TAS2R46: variants seen among roughly 807,000 people sequenced by gnomAD.
TAS2R46 encodes taste receptor type 2 member 46.
For synonymous variants in TAS2R46, 123 were observed against 121.8 expected (o/e 1.01, Z -0.07); for missense variants, 361 against 347.4 (o/e 1.04, Z -0.31).
In TAS2R46 at chr12:11,061,945, A is replaced by G; in HGVS notation, c.350T>C (p.Ile117Thr). The G allele has an allele frequency of 1.2e-6, 2 of 1,614,010 alleles. No individual in the cohort carries two copies. The highest frequency in any genetic ancestry group is 1.7e-6 in the Non-Finnish European group (2 of 1,179,924). ...LLKIANFSNL[I>T]FLHLKRRVKS... is the part of the protein sequence containing the mutation. ...AACTCTCCTCTTTAAGTGAAGAAAA[A>G]TAAGGTTGGAGAAATTGGCAATCTT... is the stretch of plus-strand genomic sequence containing the variant. Residue 117 changes from isoleucine to threonine, a missense_variant, in exon 1 of 1, where the codon ATT becomes ACT. Transcript: ENST00000533467.
rs1591923939 is a variant in TAS2R46, at chr12:11,061,577, T to C, written c.718A>G (p.Ile240Val). Residue 240 changes from isoleucine to valine, a missense_variant, in exon 1 of 1, where the codon ATT (isoleucine) becomes GTT (valine). Ile to Val is a conservative substitution (Grantham distance 29). Transcript: ENST00000533467. ...TVTSFLLLCAIYFLSIIMSVW... is the reference protein window; with the variant it reads ...TVTSFLLLCAVYFLSIIMSVW... ...GACATGATTATGGACAGAAAGTAAATGGCACATAACAAGAGGAAGGAGGTC... is the reference window on the plus strand; with the variant it reads ...GACATGATTATGGACAGAAAGTAAACGGCACATAACAAGAGGAAGGAGGTC... The C allele has an allele frequency of 5.0e-6, 8 of 1,614,078 alleles. No individual in the cohort carries two copies. Among genetic ancestry groups the C allele is most frequent in the African/African-American group, 1.3e-5 (1 of 75,022 alleles).
rs368655677 is a variant in TAS2R46 at position 11,062,114 on chromosome 12, C to G, written c.181G>C (p.Val61Leu). The G allele has an allele frequency of 1.1e-5, 18 of 1,613,498 alleles. No individual in the cohort carries two copies. Among genetic ancestry groups the G allele is most frequent in the Non-Finnish European group, 1.4e-5 (16 of 1,179,802 alleles). Residue 61 changes from valine (V) to leucine (L), a missense_variant, in exon 1 of 1, where the codon GTA becomes CTA. Val to Leu is a conservative substitution (Grantham distance 32, BLOSUM62 1). Coordinates refer to ENST00000533467, the MANE Select transcript of TAS2R46 (RefSeq NM_176887.2). Reference protein sequence around the residue: ...LAVSRVGLLWVLVLNWYATEL... With the variant: ...LAVSRVGLLWLLVLNWYATEL... ...GTTGCATACCAATTTAATACTAATA[C>G]CCAGAGTAAACCAACTCTGGAGACT... is the stretch of plus-strand genomic sequence containing the variant.
rs1341764707 is a variant in TAS2R46 at position 11,062,207 on chromosome 12, C to T, written c.88G>A (p.Val30Ile). ...GNFANGFIAL[V>I]NSIEWFKRQK... Reference sequence around the variant, plus strand: ...CTCTTGAACCACTCAATGGAATTTACCAATGCTATGAAGCCATTAGCAAAA... The same window carrying T: ...CTCTTGAACCACTCAATGGAATTTATCAATGCTATGAAGCCATTAGCAAAA... Residue 30 changes from valine (V) to isoleucine (I), a missense_variant, in exon 1 of 1, where the codon GTA becomes ATA. Physicochemically the swap from Val to Ile is conservative, Grantham distance 29. Coordinates refer to ENST00000533467, the MANE Select transcript of TAS2R46 (RefSeq NM_176887.2). The T allele has an allele frequency of 9.9e-6, 16 of 1,613,276 alleles. No individual in the cohort carries two copies. The highest frequency in any genetic ancestry group is 2.7e-5 in the African/African-American group (2 of 74,882).
the TAS2R46 span, chr12:11,061,411 C>T: frequency 6.2e-7 from 1 of 1,613,982 alleles, no homozygotes; most frequent in Non-Finnish European, 8.5e-7. Context: ...CCTCACATGC[C>T]ACAAAACTGA....
In TAS2R46 at chr12:11,061,740, T is replaced by C. The variant is rs1565609200; in HGVS notation, c.555A>G (p.Leu185=). The change falls in exon 1 of 1, where the codon TTA becomes TTG. Residue 185 remains leucine, a synonymous_variant. Coordinates refer to ENST00000533467, the MANE Select transcript of TAS2R46 (RefSeq NM_176887.2). ...ATATCAGGGTCAGAGTGAAGGGAAC[T>C]AAGTTTGCTAGGATGGTTACCGTTG... ...SNTTVTILAN[L]VPFTLTLISF... 1 of 1,614,098 alleles carries C rather than the reference T, an allele frequency of 6.2e-7. No individual in the cohort carries two copies. Among genetic ancestry groups the C allele is most frequent in the Non-Finnish European group, 8.5e-7 (1 of 1,179,972 alleles).
the TAS2R46 span, chr12:11,061,388 C>A: frequency 6.2e-7 from 1 of 1,613,688 alleles, no homozygotes; most frequent in Non-Finnish European, 8.5e-7. Flanking sequence ...GGCTTCTCTC[C>A]TTTCACCCAG....
rs373080563 is a variant in TAS2R46 at position 11,062,255 on chromosome 12, C to T, written c.40G>A (p.Val14Met). The T allele has an allele frequency of 3.7e-6, 6 of 1,612,696 alleles. No individual in the cohort carries two copies. The highest frequency in any genetic ancestry group is 3.3e-5 in the South Asian group (3 of 90,934). The change falls in exon 1 of 1, where the codon GTG (valine) becomes ATG (methionine). Residue 14 changes from valine to methionine, a missense_variant. Val to Met is a conservative substitution (Grantham distance 21). Transcript: ENST00000533467. ...FLPIIFSILI[V>M]VTFVIGNFAN... ...AAATTTCCAATCACAAATGTAACCACTATTAGAATGGAAAAAATGATGGGC... is the reference window on the plus strand; with the variant it reads ...AAATTTCCAATCACAAATGTAACCATTATTAGAATGGAAAAAATGATGGGC...
Position 11,061,518 on chromosome 12 carries a change from A to G in TAS2R46, c.777T>C (p.Pro259=), listed in dbSNP as rs1565608709. 4 of 1,614,038 alleles carry G rather than the reference A, an allele frequency of 2.5e-6. No individual in the cohort carries two copies. Among genetic ancestry groups the G allele is most frequent in the Non-Finnish European group, 3.4e-6 (4 of 1,179,978 alleles). ...VWSFESLENK[P]VFMFCEAIAF... ...CAATAGCTTCGCAGAACATGAAGAC[A>G]GGTTTGTTTTCCAGACTCTCAAAAC... The change falls in exon 1 of 1, where the codon CCT becomes CCC. Residue 259 remains proline, a synonymous_variant. Transcript: ENST00000533467.
rs774163843 is a variant in TAS2R46 at position 11,061,759 on chromosome 12, A to G, written c.536T>C (p.Val179Ala). Residue 179 changes from valine (V) to alanine (A), a missense_variant, in exon 1 of 1, where the codon GTA (valine) becomes GCA (alanine). By Grantham distance (64) the Val-to-Ala change is moderately conservative. Coordinates refer to ENST00000533467, the MANE Select transcript of TAS2R46 (RefSeq NM_176887.2). Reference sequence around the variant, plus strand: ...GGGAACTAAGTTTGCTAGGATGGTTACCGTTGTATTTGAAAGGTACATTGC... The same window carrying G: ...GGGAACTAAGTTTGCTAGGATGGTTGCCGTTGTATTTGAAAGGTACATTGC... ...RSAMYLSNTT[V>A]TILANLVPFT... is the part of the protein sequence containing the mutation. 6 of 1,613,964 alleles carry G rather than the reference A, an allele frequency of 3.7e-6. No individual in the cohort carries two copies. In the East Asian group the frequency reaches 8.9e-5, roughly 24 times the overall value.
rs762950316 is a variant in TAS2R46 at position 11,061,908 on chromosome 12, A to G, written c.387T>C (p.Val129=). The stretch of plus-strand genomic sequence containing the variant: ...GCAAAGGCCCCAATAGTATCACCAG[A>G]ACAACACTCTTAACTCTCCTCTTTA... ...LHLKRRVKSV[V]LVILLGPLLF... is the part of the protein sequence containing the mutation. The change falls in exon 1 of 1, where the codon GTT becomes GTC. Residue 129 remains valine (V), a synonymous_variant. Transcript: ENST00000533467. 1 of 1,614,004 alleles carries G rather than the reference A, an allele frequency of 6.2e-7. No individual in the cohort carries two copies. The highest frequency in any genetic ancestry group is 1.3e-5 in the African/African-American group (1 of 75,054).
rs553708509 is a variant in TAS2R46, at chr12:11,061,464, G to A, written c.831C>T (p.Phe277=). The A allele has an allele frequency of 3.1e-6, 5 of 1,614,170 alleles. No homozygotes were observed. The highest frequency in any genetic ancestry group is 2.2e-5 in the East Asian group (1 of 44,890). The change falls in exon 1 of 1, where the codon TTC becomes TTT. Residue 277 remains phenylalanine (F), a synonymous_variant. Coordinates refer to ENST00000533467, the MANE Select transcript of TAS2R46 (RefSeq NM_176887.2). ...IAFSYPSTHP[F]ILIWGNKKLK... is the part of the protein sequence containing the mutation. ...GCTTCTTGTTTCCCCAAATCAGGAT[G>A]AATGGGTGGGTTGAAGGATAGCTGA...
In TAS2R46 at chr12:11,061,950, G is replaced by T; in HGVS notation, c.345C>A (p.Asn115Lys). ...TCCTCTTTAAGTGAAGAAAAATAAG[G>T]TTGGAGAAATTGGCAATCTTGAGCA... ...FYLLKIANFSNLIFLHLKRRV... is the reference protein window; with the variant it reads ...FYLLKIANFSKLIFLHLKRRV... Residue 115 changes from asparagine (N) to lysine (K), a missense_variant, in exon 1 of 1, where the codon AAC (asparagine) becomes AAA (lysine). Asn to Lys is a moderately conservative substitution (Grantham distance 94). Coordinates refer to ENST00000533467, the MANE Select transcript of TAS2R46 (RefSeq NM_176887.2). The T allele has an allele frequency of 1.2e-6, 2 of 1,613,970 alleles. No homozygotes were observed. Among genetic ancestry groups the T allele is most frequent in the South Asian group, 1.1e-5 (1 of 91,080 alleles).
In TAS2R46 at chr12:11,062,145, A is replaced by G. The variant is rs371888146; in HGVS notation, c.150T>C (p.Ala50=). The G allele has an allele frequency of 6.2e-7, 1 of 1,613,678 alleles. No homozygotes were observed. Among genetic ancestry groups the G allele is most frequent in the African/African-American group, 1.3e-5 (1 of 75,018 alleles). ...GTAAACCAACTCTGGAGACTGCCAG[A>G]GCAGTGAGAATTTGGTCAGCAAAAG... ...KISFADQILT[A]LAVSRVGLLW... Residue 50 remains alanine (A), a synonymous_variant, in exon 1 of 1, where the codon GCT becomes GCC. Coordinates refer to ENST00000533467, the MANE Select transcript of TAS2R46 (RefSeq NM_176887.2).
rs774770069 is a variant in TAS2R46, at chr12:11,062,252, C to G, written c.43G>C (p.Val15Leu). Residue 15 changes from valine to leucine, a missense_variant, in exon 1 of 1, where the codon GTT (valine) becomes CTT (leucine). By Grantham distance (32) the Val-to-Leu change is conservative (BLOSUM62 1). Coordinates refer to ENST00000533467, the MANE Select transcript of TAS2R46 (RefSeq NM_176887.2). The part of the protein sequence containing the change: ...LPIIFSILIV[V>L]TFVIGNFANG... ...GCAAAATTTCCAATCACAAATGTAACCACTATTAGAATGGAAAAAATGATG... is the reference window on the plus strand; with the variant it reads ...GCAAAATTTCCAATCACAAATGTAAGCACTATTAGAATGGAAAAAATGATG... 1 of 1,612,984 alleles carries G rather than the reference C, an allele frequency of 6.2e-7. No homozygotes were observed. The highest frequency in any genetic ancestry group is 8.5e-7 in the Non-Finnish European group (1 of 1,179,400).
chr12:11,062,095 T>C lies in TAS2R46; in HGVS notation c.200A>G (p.Tyr67Cys). 6.2e-7 allele frequency: 1 copy of C among 1,613,672 alleles called. No homozygotes were observed. Residue 67 changes from tyrosine to cysteine, a missense_variant, in exon 1 of 1, where the codon TAT becomes TGT. Tyr to Cys is a radical substitution (Grantham distance 194). Transcript: ENST00000533467. ...GLLWVLVLNWYATELNPAFNS... is the reference protein window; with the variant it reads ...GLLWVLVLNWCATELNPAFNS... The stretch of plus-strand genomic sequence containing the variant: ...AAAAGCTGGATTCAACTCAGTTGCA[T>C]ACCAATTTAATACTAATACCCAGAG...
Position 11,061,665 on chromosome 12 carries a change from C to A in TAS2R46, c.630G>T (p.Gln210His). 6.3e-7 allele frequency: 1 copy of A among 1,576,812 alleles called. No homozygotes were observed. Among genetic ancestry groups the A allele is most frequent in the Non-Finnish European group, 8.6e-7 (1 of 1,161,766 alleles). The change falls in exon 1 of 1, where the codon CAG becomes CAT. Residue 210 changes from glutamine to histidine, a missense_variant. Transcript: ENST00000533467. ...CSLCKHLKKM[Q>H]LHGKGSQDPS... ...GATCTTGAGATCCTTTGCCATGGAG[C>A]TGCATCTTTTTGAGATGTTTACACA...
At position 11,062,271 on chromosome 12, in the gene TAS2R46, A is replaced by G; in HGVS notation, c.24T>C (p.Ile8=). The part of the protein sequence containing the change: MITFLPI[I]FSILIVVTFV... ...ATGTAACCACTATTAGAATGGAAAA[A>G]ATGATGGGCAGAAAAGTTATCATGT... Residue 8 remains isoleucine (I), a synonymous_variant, in exon 1 of 1, where the codon ATT becomes ATC. Transcript: ENST00000533467. 1 of 1,537,352 alleles carries G rather than the reference A, an allele frequency of 6.5e-7. No homozygotes were observed. The highest frequency in any genetic ancestry group is 8.9e-7 in the Non-Finnish European group (1 of 1,125,828).
rs555711701 is a variant in TAS2R46 at position 11,062,068 on chromosome 12, T to C, written c.227A>G (p.Asn76Ser). The C allele has an allele frequency of 6.2e-7, 1 of 1,613,730 alleles. No homozygotes were observed. Among genetic ancestry groups the C allele is most frequent in the Non-Finnish European group, 8.5e-7 (1 of 1,179,820 alleles). The change falls in exon 1 of 1, where the codon AAC (asparagine) becomes AGC (serine). Residue 76 changes from asparagine (N) to serine (S), a missense_variant. Physicochemically the swap from Asn to Ser is conservative, Grantham distance 46. Transcript: ENST00000533467. Reference protein sequence around the residue: ...WYATELNPAFNSIEVRITAYN... With the variant: ...WYATELNPAFSSIEVRITAYN... ...AGCAGTAATTCTTACTTCTATACTG[T>C]TAAAAGCTGGATTCAACTCAGTTGC...
Position 11,061,970 on chromosome 12 carries a change from T to C in TAS2R46, c.325A>G (p.Lys109Glu), listed in dbSNP as rs1943625979. The C allele has an allele frequency of 6.2e-7, 1 of 1,613,984 alleles. No homozygotes were observed. The highest frequency in any genetic ancestry group is 8.5e-7 in the Non-Finnish European group (1 of 1,179,918). ...ATAAGGTTGGAGAAATTGGCAATCT[T>C]GAGCAAATAAAATATGCTGAGGCTA... ...ATSLSIFYLL[K>E]IANFSNLIFL... The change falls in exon 1 of 1, where the codon AAG (lysine) becomes GAG (glutamate). Residue 109 changes from lysine to glutamate, a missense_variant. Transcript: ENST00000533467.
Sources: gnomAD v4.1 joint callset for allele counts on GRCh38, gnomAD v4.1.1 for gene constraint, MANE v1.5 for transcripts, NCBI Gene and HGNC (gene_info 2026-07-23, HGNC 2026-07-21) for gene names.